The following SRR variants were observed in gnomAD, a reference collection of about 807,000 sequenced individuals.
SRR encodes serine racemase.
Under a neutral mutation model 32.7 loss-of-function variants are expected in SRR, and 19 were observed. The observed-to-expected ratio is 0.58, with a 90% CI of 0.40 to 0.85. The LOEUF (loss-of-function observed/expected upper bound fraction) is 0.85. SRR is among the 40% of genes least tolerant of loss of function. The pLI, the probability that SRR is intolerant of heterozygous loss-of-function variation, is 0.00. For synonymous variants in SRR, 142 were observed against 140.9 expected, an observed-to-expected ratio of 1.01 and a Z score of -0.06; for missense variants, 373 against 404.7, an observed-to-expected ratio of 0.92 and a Z score of 0.67.
At chr17:2,313,473 C>T (rs1298853285) in intron 1 of SRR, among the ~76,000 whole-genome samples, 2 of 151,234 alleles carry the variant, frequency 1.3e-5, no homozygotes, top group African/African-American at 4.9e-5. Context: ...TGGTGGCTCA[C>T]GCCTGTAATA....
intron 1 of SRR, chr17:2,307,424 TC>T (rs2075399230): frequency 1.6e-6 from 2 of 1,277,568 alleles, no homozygotes; most frequent in Non-Finnish European, 2.2e-6. Context: ...GAAGGAAATT[TC>T]AGTGGTCATG....
At chr17:2,312,544 A>G (rs1230811129) in intron 1 of SRR, among the ~76,000 whole-genome samples, 12 of 152,026 alleles carry the variant, frequency 7.9e-5, no homozygotes, top group Non-Finnish European at 1.6e-4. Context: ...GCAGTGAGCC[A>G]AGATCCCACC....
chr17:2,304,112 G>A (rs2075355212), intron 1 of SRR, 95 bp downstream of exon 1: 1 of 168,870 alleles, frequency 5.9e-6, no homozygotes, highest in African/African-American at 2.4e-5. Flanking sequence ...TGCTAGTCTG[G>A]GACTCGGGTT....
intron 1 of SRR, chr17:2,309,949 C>A (rs1444352263): frequency 6.6e-6 from 1 of 152,076 alleles, no homozygotes; most frequent in South Asian, 2.1e-4. Context: ...GGAACCAACT[C>A]GCCTGTGTGA....
At position 2,318,841 on chromosome 17, in the gene SRR, T is replaced by C. The variant is rs772305327; in HGVS notation, c.311T>C (p.Ile104Thr). 2.5e-6 allele frequency: 4 copies of C among 1,613,294 alleles called. No individual in the cohort carries two copies. Among genetic ancestry groups the C allele is most frequent in the South Asian group, 1.1e-5 (1 of 91,058 alleles). ...AAKLEGIPAY[I>T]VVPQTAPDCK... ...CCTCTCCCAGGAATTCCTGCTTATA[T>C]TGTGGTGCCCCAGACAGCTCCAGAC... Residue 104 changes from isoleucine (I) to threonine (T), a missense_variant, in exon 4 of 8, where the codon ATT (isoleucine) becomes ACT (threonine). Ile to Thr is a moderately conservative substitution (Grantham distance 89). Coordinates refer to ENST00000344595, the MANE Select transcript of SRR (RefSeq NM_021947.3).
rs571401895 is a variant in SRR, at chr17:2,309,606, A to G, written c.-5+5589A>G. Among the ~76,000 whole-genome samples, 105 of 152,220 alleles carry G rather than the reference A, an allele frequency of 6.9e-4. 2 individuals are homozygous for G. Among genetic ancestry groups the G allele is most frequent in the East Asian group, 2.1e-3 (11 of 5,188 alleles). ...TCCTCCCTCCTTAGGTATTCACTCT[A>G]ATGTGTTTGATATATGTCTTTGAAT... On this transcript the variant is annotated intron_variant, in intron 1 of 7. Transcript: ENST00000344595.
Position 2,324,031 on chromosome 17 carries a change from T to C in SRR, c.*158T>C, listed in dbSNP as rs2075557454. 17 of 1,200,872 alleles carry C rather than the reference T, an allele frequency of 1.4e-5. No individual in the cohort carries two copies. In the South Asian group the frequency reaches 2.6e-4, roughly 18 times the overall value. 74.4% of individuals were successfully genotyped at this position (1,200,872 alleles called of 1,614,324 possible). On this transcript the variant is annotated 3_prime_UTR_variant, in exon 8 of 8. Transcript: ENST00000344595. ...TTTGGACTAAGTAGTGGAAAAACTT[T>C]TATACTTAACTGAGACATTTTGTCA...
intron 1 of SRR, 149 bp from the exon 2 acceptor site, chr17:2,315,408 T>G: frequency 1.3e-6 from 1 of 747,686 alleles, no homozygotes; most frequent in South Asian, 2.7e-5. Flanking sequence ...TCAACTCTCT[T>G]TTAGGGAAAT....
rs758312181 is a variant in SRR, at chr17:2,325,146, T to C, written c.*1273T>C. ...TTTCACGTAAAAGTTGGAGTTTTCA[T>C]TGTTCTATTAACAATGTTAAATGAA... On this transcript the variant is annotated 3_prime_UTR_variant, in exon 8 of 8. Coordinates refer to ENST00000344595, the MANE Select transcript of SRR (RefSeq NM_021947.3). The C allele has an allele frequency of 5.1e-5, 33 of 643,738 alleles. No homozygotes were observed. The highest frequency in any genetic ancestry group is 7.5e-5 in the Non-Finnish European group (29 of 386,628). The allele number at this position is 643,738 out of a possible 1,614,324, so 39.9% of individuals were successfully genotyped here. A position where few individuals can be genotyped will look rare whatever the true frequency, so the allele number is the denominator to read the frequency against.
chr17:2,323,044 T>C (rs556542327), intron 6 of SRR, 92 bp from the exon 7 acceptor site: 2 of 1,335,320 alleles, frequency 1.5e-6, no homozygotes, highest in East Asian at 4.6e-5. Context: ...GGATTACAGG[T>C]GTGAGCCACC....
Position 2,304,930 on chromosome 17 carries a change from C to T in SRR, c.-5+913C>T, listed in dbSNP as rs79113721. ...TGGAGAACTGTACAGAGGTGAAGCT[C>T]CCTTCCCCAAGGCCTCCTGCCTCCA... is the stretch of plus-strand genomic sequence containing the variant. On this transcript the variant is annotated intron_variant, in intron 1 of 7. Transcript: ENST00000344595. 4.7e-3 allele frequency among the ~76,000 whole-genome samples: 718 copies of T among 152,252 alleles called. 4 individuals carry two copies. Among genetic ancestry groups the T allele is most frequent in the African/African-American group, 0.016 (655 of 41,540 alleles).
chr17:2,318,019 G>C (rs1428155518), intron 3 of SRR, 23 bp downstream of exon 3: 3 of 1,582,932 alleles, frequency 1.9e-6, no homozygotes, highest in Non-Finnish European at 2.6e-6. Context: ...TCAAGGTACT[G>C]GGTAGATCTT....
chr17:2,311,328 T>C (rs1432417647), intron 1 of SRR, among the ~76,000 whole-genome samples: 10 of 152,046 alleles, frequency 6.6e-5, no homozygotes, highest in African/African-American at 2.4e-4. Context: ...GGGGCATAAT[T>C]GACATTAAAA....
rs1333814264 is a variant in SRR, at chr17:2,323,824, G to C, written c.974G>C (p.Trp325Ser). Residue 325 changes from tryptophan to serine, a missense_variant, in exon 8 of 8, where the codon TGG (tryptophan) becomes TCG (serine). By Grantham distance (177) the Trp-to-Ser change is radical. Transcript: ENST00000344595. ...GTAGACTTAACCTCCTCCATAACTT[G>C]GGTGAAGCAGGCTGAAAGGCCAGCT... ...GNVDLTSSITWVKQAERPASY... is the reference protein window; with the variant it reads ...GNVDLTSSITSVKQAERPASY... 2 of 1,614,052 alleles carry C rather than the reference G, an allele frequency of 1.2e-6. No homozygotes were observed. The highest frequency in any genetic ancestry group is 1.7e-6 in the Non-Finnish European group (2 of 1,180,040).
Position 2,324,701 on chromosome 17 carries a change from A to C in SRR, c.*828A>C. 6.2e-7 allele frequency: 1 copy of C among 1,614,154 alleles called. No individual in the cohort carries two copies. The highest frequency in any genetic ancestry group is 8.5e-7 in the Non-Finnish European group (1 of 1,180,018). On this transcript the variant is annotated 3_prime_UTR_variant, in exon 8 of 8. Coordinates refer to ENST00000344595, the MANE Select transcript of SRR (RefSeq NM_021947.3). ...CCTTCATACCCACCTCTGTTGAAGA[A>C]CATGTAACGTACTACTGCCATCTTA...
chr17:2,324,716 C>G lies in SRR; in HGVS notation c.*843C>G. 1 of 1,614,200 alleles carries G rather than the reference C, an allele frequency of 6.2e-7. No individual in the cohort carries two copies. Among genetic ancestry groups the G allele is most frequent in the Non-Finnish European group, 8.5e-7 (1 of 1,180,038 alleles). The stretch of plus-strand genomic sequence containing the variant: ...CTGTTGAAGAACATGTAACGTACTA[C>G]TGCCATCTTAGTAAAAATTTTGAAA... On this transcript the variant is annotated 3_prime_UTR_variant, in exon 8 of 8. Transcript: ENST00000344595.
chr17:2,312,827 A>C (rs534086044), intron 1 of SRR, among the ~76,000 whole-genome samples: 1 of 152,340 alleles, frequency 6.6e-6, no homozygotes, highest in South Asian at 2.1e-4. Flanking sequence ...ACGGAGGTAC[A>C]CAAAAATCTT....
chr17:2,317,615 G>C (rs1365771109), intron 2 of SRR, among the ~76,000 whole-genome samples: 2 of 152,062 alleles, frequency 1.3e-5, no homozygotes, highest in Non-Finnish European at 2.9e-5. Flanking sequence ...ACCCGGCCCT[G>C]GGGGTAGACG....
chr17:2,315,112 C>T (rs1050452822), intron 1 of SRR, among the ~76,000 whole-genome samples: 3 of 151,774 alleles, frequency 2.0e-5, no homozygotes, highest in African/African-American at 7.3e-5. Flanking sequence ...CACGATGGCA[C>T]ATTCCTGTAA....
Sources: allele counts gnomAD v4.1 joint callset (sites outside exome capture counted in the v4.1 genomes callset), GRCh38; gene constraint gnomAD v4.1.1; transcripts MANE v1.5; gene names NCBI Gene and HGNC (gene_info 2026-07-23, HGNC 2026-07-21).